The following OR10A2 variants were observed in gnomAD, a reference collection of about 807,000 sequenced individuals.
The protein encoded by OR10A2 is olfactory receptor family 10 subfamily A member 2.
Under a neutral mutation model 13.7 loss-of-function variants are expected in OR10A2, and 15 were observed. The observed-to-expected ratio is 1.10, with a 90% confidence interval of 0.73 to 1.69. The LOEUF is 1.69. Among genes scored for constraint, OR10A2 ranks in the 40% most tolerant of loss-of-function variants. The pLI, the probability that OR10A2 is intolerant of heterozygous loss-of-function variation, is 0.00. For synonymous variants in OR10A2, 145 were observed against 144.7 expected (o/e 1.00, Z -0.02); for missense variants, 343 against 361.1 (o/e 0.95, Z 0.41).
chr11:6,865,445 T>C (rs1429787523), intron 1 of OR10A2, among the ~76,000 whole-genome samples: 3 of 152,006 alleles, frequency 2.0e-5, no homozygotes, highest in Non-Finnish European at 4.4e-5. Context: ...CTTAAATACA[T>C]GCTTCATAAT....
chr11:6,864,270 C>T (rs1378353495), intron 1 of OR10A2, among the ~76,000 whole-genome samples: 3 of 151,548 alleles, frequency 2.0e-5, no homozygotes, highest in Non-Finnish European at 4.4e-5. Flanking sequence ...TACAACACAT[C>T]TGTCATGAGG....
At position 6,870,498 on chromosome 11, in the gene OR10A2, G is replaced by A; in HGVS notation, c.744G>A (p.Arg248=). The A allele has an allele frequency of 1.2e-6, 2 of 1,613,994 alleles. No homozygotes were observed. The highest frequency in any genetic ancestry group is 1.3e-5 in the African/African-American group (1 of 74,972). The part of the protein sequence containing the change: ...FYISLSLTYF[R]PKSNNSPEGK... The stretch of plus-strand genomic sequence containing the variant: ...TATCATTAAGCCTCACCTACTTCCG[G>A]CCTAAATCAAATAATTCACCTGAGG... Residue 248 remains arginine, a synonymous_variant, in exon 2 of 2, where the codon CGG becomes CGA. Coordinates refer to ENST00000641461, the MANE Select transcript of OR10A2 (RefSeq NM_001004460.2).
At chr11:6,868,662 T>A (rs761804931) in intron 1 of OR10A2, among the ~76,000 whole-genome samples, 3 of 143,718 alleles carry the variant, frequency 2.1e-5, no homozygotes, top group Non-Finnish European at 3.1e-5. Flanking sequence ...ATAAAGTTTT[T>A]AATTTTTATT....
intron 1 of OR10A2, among the ~76,000 whole-genome samples, chr11:6,867,190 G>A (rs58751838): frequency 0.013 from 2,004 of 151,654 alleles, 44 homozygotes; most frequent in African/African-American, 0.046. Flanking sequence ...TCATTTTCAT[G>A]AGTACTTATT....
At chr11:6,867,489 G>A (rs182320284) in intron 1 of OR10A2, among the ~76,000 whole-genome samples, 139 of 152,264 alleles carry the variant, frequency 9.1e-4, no homozygotes, top group African/African-American at 3.2e-3. Context: ...TGGGATTACA[G>A]GCATGAGCCA....
At chr11:6,864,366 A>C (rs1776143273) in intron 1 of OR10A2, among the ~76,000 whole-genome samples, 2 of 152,204 alleles carry the variant, frequency 1.3e-5, no homozygotes, top group African/African-American at 2.4e-5. Context: ...AACTCCAAGA[A>C]GAATGAACTT....
In OR10A2 at chr11:6,870,135, T is replaced by A. The variant is rs772477792; in HGVS notation, c.381T>A (p.Thr127=). The change falls in exon 2 of 2, where the codon ACT becomes ACA. Residue 127 remains threonine, a synonymous_variant. Transcript: ENST00000641461. ...ACCCAGTCATCATGAACCAAAGGACTCGTGCCAAACTGGCTGCTGCCTCCT... is the reference window on the plus strand; with the variant it reads ...ACCCAGTCATCATGAACCAAAGGACACGTGCCAAACTGGCTGCTGCCTCCT... The part of the protein sequence containing the change: ...LHYPVIMNQR[T]RAKLAAASWF... The A allele has an allele frequency of 1.2e-5, 19 of 1,614,218 alleles. 1 individual carries two copies. The South Asian group carries it at 1.2e-4, about 10-fold the overall frequency.
rs943536909 is a variant in OR10A2 at position 6,870,830 on chromosome 11, C to T, written c.*164C>T. 2.2e-5 allele frequency: 12 copies of T among 550,378 alleles called. No homozygotes were observed. Among genetic ancestry groups the T allele is most frequent in the African/African-American group, 1.5e-4 (8 of 53,558 alleles). The allele number at this position is 550,378 out of a possible 1,614,324, so 34.1% of individuals were successfully genotyped here. A position where few individuals can be genotyped will look rare whatever the true frequency, so the allele number is the denominator to read the frequency against. On this transcript the variant is annotated 3_prime_UTR_variant, in exon 2 of 2. Transcript: ENST00000641461. ...AAAGGAGCAGAGAAGTAGTTTCGAC[C>T]TAGCACCACCAACTATGAAAACTCC... is the stretch of plus-strand genomic sequence containing the variant.
Position 6,872,817 on chromosome 11 carries a change from CTTT to C in OR10A2, c.*2166_*2168del, listed in dbSNP as rs754974386. 27,282 of 136,264 alleles carry C rather than the reference CTTT, an allele frequency of 0.2. 2,777 individuals carry two copies. Among genetic ancestry groups the C allele is most frequent in the Non-Finnish European group, 0.24 (15,447 of 64,970 alleles). The allele number at this position is 136,264 out of a possible 1,614,324, so 8.4% of individuals were successfully genotyped here. Reference sequence around the variant, plus strand: ...TGTTTCTCTTTTCTTTTCTTTCTTTCTTTTTTTTTTTTTTTTTGAGACAAAGGT... The same window carrying C: ...TGTTTCTCTTTTCTTTTCTTTCTTTCTTTTTTTTTTTTTTGAGACAAAGGT... On this transcript the variant is annotated 3_prime_UTR_variant, in exon 2 of 2. Coordinates refer to ENST00000641461, the MANE Select transcript of OR10A2 (RefSeq NM_001004460.2).
chr11:6,870,405 A>G lies in OR10A2; in HGVS notation c.651A>G (p.Ser217=). 1 of 1,614,220 alleles carries G rather than the reference A, an allele frequency of 6.2e-7. No individual in the cohort carries two copies. The highest frequency in any genetic ancestry group is 2.2e-5 in the East Asian group (1 of 44,874). Residue 217 remains serine, a synonymous_variant, in exon 2 of 2, where the codon TCA becomes TCG. Coordinates refer to ENST00000641461, the MANE Select transcript of OR10A2 (RefSeq NM_001004460.2). ...CTGCTGCCATCCTCAAGATCCCATCAGCTAAAGGGAAGAATAAAGCCTTTT... is the reference window on the plus strand; with the variant it reads ...CTGCTGCCATCCTCAAGATCCCATCGGCTAAAGGGAAGAATAAAGCCTTTT... ...HIAAAILKIP[S]AKGKNKAFST...
chr11:6,870,043 G>A lies in OR10A2; in HGVS notation c.289G>A (p.Ala97Thr). 1 of 1,614,198 alleles carries A rather than the reference G, an allele frequency of 6.2e-7. No individual in the cohort carries two copies. Among genetic ancestry groups the A allele is most frequent in the Non-Finnish European group, 8.5e-7 (1 of 1,180,046 alleles). ...GTATTTCTTCTTCTTCTTTGGAGTG[G>A]CTGAATGCTTCCTCCTGGCTACCAT... ...QMYFFFFFGV[A>T]ECFLLATMAY... The change falls in exon 2 of 2, where the codon GCT becomes ACT. Residue 97 changes from alanine (A) to threonine (T), a missense_variant. By Grantham distance (58) the Ala-to-Thr change is moderately conservative. Coordinates refer to ENST00000641461, the MANE Select transcript of OR10A2 (RefSeq NM_001004460.2).
At position 6,870,545 on chromosome 11, in the gene OR10A2, C is replaced by A; in HGVS notation, c.791C>A (p.Ser264Tyr). The change falls in exon 2 of 2, where the codon TCC becomes TAC. Residue 264 changes from serine (S) to tyrosine (Y), a missense_variant. Transcript: ENST00000641461. Reference sequence around the variant, plus strand: ...GAGGGCAAGAAGCTGCTATCATTGTCCTACACTGTTATGACTCCCATGTTG... The same window carrying A: ...GAGGGCAAGAAGCTGCTATCATTGTACTACACTGTTATGACTCCCATGTTG... ...SPEGKKLLSLSYTVMTPMLNP... is the reference protein window; with the variant it reads ...SPEGKKLLSLYYTVMTPMLNP... 1 of 1,614,064 alleles carries A rather than the reference C, an allele frequency of 6.2e-7. No individual in the cohort carries two copies. Among genetic ancestry groups the A allele is most frequent in the Non-Finnish European group, 8.5e-7 (1 of 1,179,914 alleles).
At chr11:6,867,210 ATATTAT>A (rs143148199) in intron 1 of OR10A2, among the ~76,000 whole-genome samples, 7 of 150,466 alleles carry the variant, frequency 4.7e-5, no homozygotes, top group African/African-American at 1.5e-4. Context: ...TCAATATTCT[ATATTAT>A]TATTATTATT....
intron 1 of OR10A2, among the ~76,000 whole-genome samples, chr11:6,866,095 T>C (rs928778869): frequency 3.3e-5 from 5 of 152,242 alleles, no homozygotes; most frequent in African/African-American, 4.8e-5. Context: ...ATCCTCTCTA[T>C]TGCTGAGTTT....
chr11:6,870,016 A>G lies in OR10A2; in HGVS notation c.262A>G (p.Met88Val). The G allele has an allele frequency of 6.2e-7, 1 of 1,614,078 alleles. No homozygotes were observed. Among genetic ancestry groups the G allele is most frequent in the Non-Finnish European group, 8.5e-7 (1 of 1,180,016 alleles). ...TISFLGCATQ[M>V]YFFFFFGVAE... Reference sequence around the variant, plus strand: ...CTCCTTCCTTGGCTGTGCCACTCAGATGTATTTCTTCTTCTTCTTTGGAGT... The same window carrying G: ...CTCCTTCCTTGGCTGTGCCACTCAGGTGTATTTCTTCTTCTTCTTTGGAGT... The change falls in exon 2 of 2, where the codon ATG becomes GTG. Residue 88 changes from methionine (M) to valine (V), a missense_variant. Physicochemically the swap from Met to Val is conservative, Grantham distance 21 (BLOSUM62 1). Transcript: ENST00000641461.
Position 6,870,714 on chromosome 11 carries a change from C to A in OR10A2, c.*48C>A. The A allele has an allele frequency of 7.2e-7, 1 of 1,382,322 alleles. No homozygotes were observed. The highest frequency in any genetic ancestry group is 9.9e-7 in the Non-Finnish European group (1 of 1,012,892). The allele number at this position is 1,382,322 out of a possible 1,614,324, so 85.6% of individuals were successfully genotyped here. ...TTTACTGGATGAGAAACAATCAGTCCCAGATTTGAGATTCCTCTCTGCATC... is the reference window on the plus strand; with the variant it reads ...TTTACTGGATGAGAAACAATCAGTCACAGATTTGAGATTCCTCTCTGCATC... On this transcript the variant is annotated 3_prime_UTR_variant, in exon 2 of 2. Coordinates refer to ENST00000641461, the MANE Select transcript of OR10A2 (RefSeq NM_001004460.2).
Position 6,866,389 on chromosome 11 carries a change from T to C in OR10A2, c.-133+3038T>C, listed in dbSNP as rs542869662. On this transcript the variant is annotated intron_variant, in intron 1 of 1. Coordinates refer to ENST00000641461, the MANE Select transcript of OR10A2 (RefSeq NM_001004460.2). ...GCTTTGCATGTGGCCCAACACAAAT[T>C]TGTAAACTTTCTTAAACCTTTATGA... 2.0e-5 allele frequency among the ~76,000 whole-genome samples: 3 copies of C among 152,332 alleles called. No individual in the cohort carries two copies. The South Asian group carries it at 6.2e-4, about 32-fold the overall frequency.
chr11:6,869,584 C>T (rs1848407222), intron 1 of OR10A2, 39 bp from the exon 2 acceptor site: 3 of 667,076 alleles, frequency 4.5e-6, no homozygotes, highest in Non-Finnish European at 7.9e-6. Context: ...AAGGCACTTC[C>T]TCTGCCTGAG....
chr11:6,870,947 C>CTTTTTTTTTTTTTT lies in OR10A2; in HGVS notation c.*285_*298dup, dbSNP rs35120311. On this transcript the variant is annotated 3_prime_UTR_variant, in exon 2 of 2. Coordinates refer to ENST00000641461, the MANE Select transcript of OR10A2 (RefSeq NM_001004460.2). ...CCAACTATTTCCAGGTGTTATATTT[C>CTTTTTTTTTTTTTT]TTTTTTTTTTTTTTTTTGAGACGGA... 7 of 136,436 alleles carry CTTTTTTTTTTTTTT rather than the reference C, an allele frequency of 5.1e-5. No homozygotes were observed. The highest frequency in any genetic ancestry group is 7.3e-5 in the Non-Finnish European group (5 of 68,240). 8.5% of individuals were successfully genotyped at this position (136,436 alleles called of 1,614,324 possible). A position where few individuals can be genotyped will look rare whatever the true frequency, so the allele number is the denominator to read the frequency against.
Sources: gnomAD v4.1 joint callset for allele counts (sites outside exome capture counted in the v4.1 genomes callset) on GRCh38, gnomAD v4.1.1 for gene constraint, MANE v1.5 for transcripts, NCBI Gene and HGNC (gene_info 2026-07-23, HGNC 2026-07-21) for gene names.